GLI2: variants seen among roughly 807,000 people sequenced by gnomAD.
GLI2 encodes the protein GLI family zinc finger 2, also known as transcription activator GLI2.
A neutral mutation model predicts 78.9 loss-of-function variants in GLI2; 22 were observed. That is an observed-to-expected ratio of 0.28 (90% CI 0.20 to 0.40). GLI2 has a LOEUF of 0.40. Among genes scored for constraint, GLI2 ranks in the 10% least tolerant of loss-of-function variants. The probability of loss-of-function intolerance (pLI) is 1.00; values close to 1 mark genes in which losing one functional copy is unlikely to be tolerated. For synonymous variants in GLI2, 974 were observed against 963.7 expected (o/e 1.01, Z -0.20); for missense variants, 2,097 against 2,213.2 (o/e 0.95, Z 1.05).
chr2:120,743,279 C>T (rs867224987), intron 1 of GLI2, among the ~76,000 whole-genome samples: 29 of 152,114 alleles, frequency 1.9e-4, no homozygotes, highest in African/African-American at 5.3e-4. Context: ...TCTGATGTGC[C>T]GCCTCCCCGC....
chr2:120,863,148 G>A (rs1687977140), intron 2 of GLI2, among the ~76,000 whole-genome samples: 1 of 152,228 alleles, frequency 6.6e-6, no homozygotes, highest in Admixed American at 6.5e-5. Context: ...CAAGACCAAT[G>A]AGAGGACAAC....
At chr2:120,798,423 G>T (rs1684518084) in intron 2 of GLI2, among the ~76,000 whole-genome samples, 1 of 152,240 alleles carries the variant, frequency 6.6e-6, no homozygotes, top group Non-Finnish European at 1.5e-5. Context: ...CCACGCTGGG[G>T]CCGGAGCCCA....
At chr2:120,931,040 A>G (rs1327099221) in intron 3 of GLI2, among the ~76,000 whole-genome samples, 1 of 152,220 alleles carries the variant, frequency 6.6e-6, no homozygotes, top group African/African-American at 2.4e-5. Context: ...CAGCTCCTTC[A>G]CTGGTTGGAT....
intron 3 of GLI2, among the ~76,000 whole-genome samples, chr2:120,935,675 A>T (rs1680164384): frequency 6.6e-6 from 1 of 152,194 alleles, no homozygotes; most frequent in Non-Finnish European, 1.5e-5. Context: ...ACACACTCCT[A>T]GTAAGCAGCA....
rs1684634304 is a variant in GLI2, at chr2:120,800,215, G to A, written c.148+2747G>A. Among the ~76,000 whole-genome samples, 1 of 152,176 alleles carries A rather than the reference G, an allele frequency of 6.6e-6. No homozygotes were observed. The highest frequency in any genetic ancestry group is 2.1e-4 in the South Asian group (1 of 4,832). ...AGGGTGCACCCCGGGTGGATGCAAG[G>A]GTGTGGGGAGCTGAGAATTTTTGTT... is the stretch of plus-strand genomic sequence containing the variant. On this transcript the variant is annotated intron_variant, in intron 2 of 13. Coordinates refer to ENST00000361492, the MANE Select transcript of GLI2 (RefSeq NM_001374353.1). This position sits in a 1 kb window ranked among gnomAD's most constrained non-coding sequence, Gnocchi z 4.1.
intron 2 of GLI2, among the ~76,000 whole-genome samples, chr2:120,805,808 G>C (rs536351504): frequency 1.7e-4 from 26 of 152,304 alleles, no homozygotes; most frequent in South Asian, 6.2e-4. Context: ...CATTTCTAAA[G>C]CTTGGTAAAA....
intron 2 of GLI2, among the ~76,000 whole-genome samples, chr2:120,890,962 G>A (rs1180925545): frequency 2.0e-5 from 3 of 152,208 alleles, no homozygotes; most frequent in African/African-American, 4.8e-5. Flanking sequence ...GCATCTTGGG[G>A]ATGGCTTCTC....
chr2:120,819,239 A>ATTTTTTT (rs10701244), intron 2 of GLI2, among the ~76,000 whole-genome samples: 1 of 116,750 alleles, frequency 8.6e-6, no homozygotes, highest in Non-Finnish European at 1.7e-5. Flanking sequence ...ACTAATAGAG[A>ATTTTTTT]TTTTTTTTTT....
chr2:120,958,633 G>A (rs560365376), intron 5 of GLI2, among the ~76,000 whole-genome samples: 16 of 152,262 alleles, frequency 1.1e-4, no homozygotes, highest in South Asian at 8.3e-4. Context: ...CCCGTCCAGA[G>A]GCCTTCCTCT....
intron 2 of GLI2, among the ~76,000 whole-genome samples, chr2:120,889,074 G>T (rs750258625): frequency 6.6e-5 from 10 of 152,180 alleles, no homozygotes; most frequent in Admixed American, 6.5e-5. Context: ...GGCGCTGCAG[G>T]ACCGCGGAGA....
chr2:120,797,490 T>C, intron 2 of GLI2, 22 bp downstream of exon 2: 1 of 1,610,238 alleles, frequency 6.2e-7, no homozygotes, highest in Non-Finnish European at 8.5e-7. Flanking sequence ...TTCGCACACT[T>C]GGAGGGCAGC....
chr2:120,857,549 C>T (rs1171706000), intron 2 of GLI2, among the ~76,000 whole-genome samples: 3 of 145,966 alleles, frequency 2.1e-5, no homozygotes, highest in South Asian at 2.2e-4. Context: ...ATCTGCCCAC[C>T]CACTCACCCA....
intron 2 of GLI2, among the ~76,000 whole-genome samples, chr2:120,911,912 G>C (rs1678841800): frequency 6.6e-6 from 1 of 152,018 alleles, no homozygotes; most frequent in Admixed American, 6.5e-5. Flanking sequence ...GGGGCTGGGA[G>C]AGTCTGTGGG....
chr2:120,797,264 GGTGA>G lies in GLI2; in HGVS notation c.-30-23_-30-20del, dbSNP rs569563388. 2.0e-5 allele frequency: 31 copies of G among 1,589,086 alleles called. No individual in the cohort carries two copies. In the South Asian group the frequency reaches 3.0e-4, roughly 15 times the overall value. ...CCCGGCTGGGTTTGGGCTCAGTGTT[GGTGA>G]GTGTCTTTGTCTTCTCTTTTAGGAT... On this transcript the variant is annotated intron_variant, in intron 1 of 13. Coordinates refer to ENST00000361492, the MANE Select transcript of GLI2 (RefSeq NM_001374353.1).
At chr2:120,806,139 T>C (rs1447542856) in intron 2 of GLI2, among the ~76,000 whole-genome samples, 1 of 152,204 alleles carries the variant, frequency 6.6e-6, no homozygotes, top group Non-Finnish European at 1.5e-5. Context: ...AATAGAACCA[T>C]TTATCATTAC....
At chr2:120,801,589 G>T (rs1445958973) in intron 2 of GLI2, among the ~76,000 whole-genome samples, 2 of 152,222 alleles carry the variant, frequency 1.3e-5, no homozygotes, top group East Asian at 3.8e-4. Flanking sequence ...GTGGGAACAT[G>T]CTTGTATTCT....
At chr2:120,736,749 A>G (rs1278643282) in intron 1 of GLI2, among the ~76,000 whole-genome samples, 1 of 151,332 alleles carries the variant, frequency 6.6e-6, no homozygotes, top group East Asian at 2.0e-4. Context: ...CCACTTGAGA[A>G]CTTCGAACTC....
intron 2 of GLI2, among the ~76,000 whole-genome samples, chr2:120,892,559 C>G (rs1677733787): frequency 6.6e-6 from 1 of 152,250 alleles, no homozygotes; most frequent in Admixed American, 6.5e-5. Flanking sequence ...CCGCCACCTC[C>G]TGACCACTTT....
Position 120,955,391 on chromosome 2 carries a change from A to G in GLI2, c.604A>G (p.Ser202Gly). 1 of 1,611,656 alleles carries G rather than the reference A, an allele frequency of 6.2e-7. No individual in the cohort carries two copies. Among genetic ancestry groups the G allele is most frequent in the Non-Finnish European group, 8.5e-7 (1 of 1,178,480 alleles). Residue 202 changes from serine to glycine, a missense_variant, in exon 5 of 14, where the codon AGC (serine) becomes GGC (glycine). Ser to Gly is a moderately conservative substitution (Grantham distance 56). Transcript: ENST00000361492. ...DLLMQSGGAA[S>G]APHLHDYLNP... is the part of the protein sequence containing the mutation. Reference sequence around the variant, plus strand: ...GCTGATGCAGAGCGGGGGCGCTGCCAGCGCACCCCATCTCCACGACTACCT... The same window carrying G: ...GCTGATGCAGAGCGGGGGCGCTGCCGGCGCACCCCATCTCCACGACTACCT...
Sources: allele counts gnomAD v4.1 joint callset (sites outside exome capture counted in the v4.1 genomes callset), GRCh38; gene constraint gnomAD v4.1.1; non-coding constraint Gnocchi (gnomAD v3.1); transcripts MANE v1.5; gene names NCBI Gene and HGNC (gene_info 2026-07-23, HGNC 2026-07-21).